The following RAF1 variants were observed in gnomAD, a reference collection of about 807,000 sequenced individuals.
RAF1 encodes the protein Raf-1 proto-oncogene, serine/threonine kinase, also known as RAF proto-oncogene serine/threonine-protein kinase.
In RAF1, 27 loss-of-function variants were observed where a neutral mutation model predicts 81.1. That is an observed-to-expected ratio of 0.33 (90% CI 0.25 to 0.46). The LOEUF (loss-of-function observed/expected upper bound fraction) is 0.46, where lower values mean the gene tolerates loss of function less well. Among genes scored for constraint, RAF1 ranks in the 20% least tolerant of loss-of-function variants. The pLI is 1.00. For synonymous variants in RAF1, 298 were observed against 294.0 expected (o/e 1.01, Z -0.14); for missense variants, 598 against 826.0 (o/e 0.72, Z 3.38).
Position 12,635,927 on chromosome 3 carries a change from C to T in RAF1, c.-26-17180G>A, listed in dbSNP as rs372922599. 1.5e-3 allele frequency among the ~76,000 whole-genome samples: 219 copies of T among 150,664 alleles called. 1 individual carries two copies. The highest frequency in any genetic ancestry group is 5.1e-3 in the African/African-American group (207 of 40,948). ...GGTAGAGCTTGCAGTGAGCCGAGAT[C>T]GCGCCACTGCACTCCAGCCTGGGCG... On this transcript the variant is annotated intron_variant, in intron 1 of 17. Coordinates refer to ENST00000442415, the MANE Select transcript of RAF1 (RefSeq NM_001354689.3).
At position 12,600,382 on chromosome 3, in the gene RAF1, A is replaced by G. The variant is rs1349533526; in HGVS notation, c.922+6T>C. On this transcript the variant is annotated splice_donor_region_variant and intron_variant, in intron 9 of 17. Coordinates refer to ENST00000442415, the MANE Select transcript of RAF1 (RefSeq NM_001354689.3). ...TATTGTTGGCTAAATGACTATGGAAAAGTACCTGATTCGCTGTGACTTCGA... is the reference window on the plus strand; with the variant it reads ...TATTGTTGGCTAAATGACTATGGAAGAGTACCTGATTCGCTGTGACTTCGA... 1 of 1,614,102 alleles carries G rather than the reference A, an allele frequency of 6.2e-7. No individual in the cohort carries two copies. Among genetic ancestry groups the G allele is most frequent in the Non-Finnish European group, 8.5e-7 (1 of 1,180,048 alleles).
intron 1 of RAF1, among the ~76,000 whole-genome samples, chr3:12,658,016 C>T (rs2060754875): frequency 6.6e-6 from 1 of 152,126 alleles, no homozygotes; most frequent in Non-Finnish European, 1.5e-5. Context: ...TGTGGTCTTT[C>T]CTGCATGGTT....
chr3:12,635,216 G>A (rs911329227), intron 1 of RAF1, among the ~76,000 whole-genome samples: 3 of 149,978 alleles, frequency 2.0e-5, no homozygotes, highest in Non-Finnish European at 4.4e-5. Flanking sequence ...CTACTCAGGA[G>A]GCTGACGCAG....
At chr3:12,624,892 A>AC (rs2059656002) in intron 1 of RAF1, among the ~76,000 whole-genome samples, 30 of 56,964 alleles carry the variant, frequency 5.3e-4, no homozygotes, top group African/African-American at 1.4e-3. Flanking sequence ...ACTCAAAAAA[A>AC]AAAAAAAAAA....
intron 1 of RAF1, among the ~76,000 whole-genome samples, chr3:12,646,095 C>A (rs1020387725): frequency 2.6e-5 from 4 of 152,060 alleles, no homozygotes; most frequent in Admixed American, 6.6e-5. Context: ...CTTATCCTTT[C>A]TTTTTACTCA....
intron 6 of RAF1, among the ~76,000 whole-genome samples, chr3:12,604,805 G>T (rs763041302): frequency 3.3e-5 from 5 of 152,180 alleles, no homozygotes; most frequent in African/African-American, 7.2e-5. Context: ...TCAGTTTTTA[G>T]ATGGAAATAC....
At chr3:12,600,859 G>A (rs2058840979) in intron 8 of RAF1, among the ~76,000 whole-genome samples, 1 of 152,236 alleles carries the variant, frequency 6.6e-6, no homozygotes, top group Admixed American at 6.5e-5. Context: ...ACCGTGCCAA[G>A]CCTGGTATTA....
At chr3:12,609,009 T>G (rs2059126051) in intron 4 of RAF1, 86 bp from the exon 5 acceptor site, 1 of 1,462,556 alleles carries the variant, frequency 6.8e-7, no homozygotes, top group Non-Finnish European at 9.5e-7. Context: ...CAAAAAAGTT[T>G]TTACAAAATG....
intron 2 of RAF1, 138 bp from the exon 3 acceptor site, chr3:12,612,200 C>T (rs935448994): frequency 3.0e-5 from 21 of 708,206 alleles, no homozygotes; most frequent in South Asian, 1.6e-4. Context: ...ACCTGAATGT[C>T]CAGCAATAGG....
chr3:12,607,970 A>G (rs1360566810), intron 5 of RAF1, among the ~76,000 whole-genome samples: 2 of 150,962 alleles, frequency 1.3e-5, no homozygotes, highest in Non-Finnish European at 3.0e-5. Flanking sequence ...AAAAAAAAAA[A>G]AAAGGGTGGG....
At chr3:12,605,295 AT>A (rs1485253380) in intron 6 of RAF1, among the ~76,000 whole-genome samples, 1 of 99,868 alleles carries the variant, frequency 1.0e-5, no homozygotes, top group Non-Finnish European at 2.3e-5. Flanking sequence ...TACATAATAT[AT>A]TTTTTTTTGG....
chr3:12,613,505 A>G (rs913751518), intron 2 of RAF1, among the ~76,000 whole-genome samples: 1 of 151,850 alleles, frequency 6.6e-6, no homozygotes, highest in Non-Finnish European at 1.5e-5. Flanking sequence ...GAAGGAAGTA[A>G]AGCAGGGCTG....
chr3:12,598,882 T>C (rs537583610), intron 11 of RAF1, among the ~76,000 whole-genome samples: 42 of 152,272 alleles, frequency 2.8e-4, no homozygotes, highest in African/African-American at 5.5e-4. Context: ...TCCAGTGTCA[T>C]CCAAAGTAGT....
intron 1 of RAF1, among the ~76,000 whole-genome samples, chr3:12,659,471 T>C (rs559523351): frequency 8.1e-6 from 1 of 124,206 alleles, no homozygotes; most frequent in South Asian, 2.9e-4. Flanking sequence ...GTTAGCCCTA[T>C]ACCAAAAGTA....
At chr3:12,644,939 G>C (rs890484052) in intron 1 of RAF1, among the ~76,000 whole-genome samples, 9 of 151,450 alleles carry the variant, frequency 5.9e-5, no homozygotes. Flanking sequence ...CTCTACTAAA[G>C]ATACAAAATA....
chr3:12,612,917 C>T (rs892755561), intron 2 of RAF1, among the ~76,000 whole-genome samples: 13 of 152,216 alleles, frequency 8.5e-5, no homozygotes, highest in Middle Eastern at 3.4e-3. Flanking sequence ...GTACTTCAAC[C>T]TCTTTCAACA....
chr3:12,613,996 T>C (rs2125439197), intron 2 of RAF1, among the ~76,000 whole-genome samples: 1 of 152,312 alleles, frequency 6.6e-6, no homozygotes, highest in Non-Finnish European at 1.5e-5. Context: ...CGAAAAAAGT[T>C]CCTTTGGAGT....
At chr3:12,628,181 C>G (rs1216635095) in intron 1 of RAF1, among the ~76,000 whole-genome samples, 2 of 152,226 alleles carry the variant, frequency 1.3e-5, no homozygotes, top group Non-Finnish European at 2.9e-5. Context: ...TACAGCCTGG[C>G]CAGGTGCGGT....
rs1220909451 is a variant in RAF1 at position 12,604,222 on chromosome 3, A to G, written c.748T>C (p.Ser250Pro). 1 of 1,614,136 alleles carries G rather than the reference A, an allele frequency of 6.2e-7. No individual in the cohort carries two copies. ...GTCGACCTCTGCCTCTGGGAGAGGG[A>G]ACCTTCAGATGAGGGACTGGAGGTG... Residue 250 changes from serine (S) to proline (P), a missense_variant, in exon 7 of 18, where the codon TCC becomes CCC. Transcript: ENST00000442415.
Sources: gnomAD v4.1 joint callset for allele counts (sites outside exome capture counted in the v4.1 genomes callset) on GRCh38, gnomAD v4.1.1 for gene constraint, MANE v1.5 for transcripts, NCBI Gene and HGNC (gene_info 2026-07-23, HGNC 2026-07-21) for gene names.